The following PCLO variants were observed in gnomAD, a reference collection of about 807,000 sequenced individuals.
The protein encoded by PCLO is protein piccolo.
Under a neutral mutation model 427.5 loss-of-function variants are expected in PCLO, and 82 were observed. That is an observed-to-expected ratio of 0.19 (90% CI 0.16 to 0.23). The LOEUF (loss-of-function observed/expected upper bound fraction) is 0.23. Among genes scored for constraint, PCLO ranks in the 10% least tolerant of loss-of-function variants. PCLO has a pLI of 1.00. For synonymous variants in PCLO, 2,357 were observed against 2,155.4 expected, an observed-to-expected ratio of 1.09 and a Z score of -2.59; for missense variants, 6,239 against 6,115.9, an observed-to-expected ratio of 1.02 and a Z score of -0.67.
At chr7:83,049,041 T>C (rs2116250793) in intron 3 of PCLO, among the ~76,000 whole-genome samples, 1 of 152,254 alleles carries the variant, frequency 6.6e-6, no homozygotes, top group Non-Finnish European at 1.5e-5. Flanking sequence ...AATGTACTCT[T>C]TTGTATTTTG....
At chr7:83,006,389 A>G (rs957733879) in intron 3 of PCLO, among the ~76,000 whole-genome samples, 1 of 151,594 alleles carries the variant, frequency 6.6e-6, no homozygotes, top group Admixed American at 6.6e-5. Context: ...TTTATGGTTT[A>G]TTTACAAATA....
At chr7:82,765,215 A>C (rs566513852) in intron 22 of PCLO, among the ~76,000 whole-genome samples, 2 of 151,920 alleles carry the variant, frequency 1.3e-5, no homozygotes, top group Admixed American at 6.6e-5. Context: ...AAATGATCAC[A>C]TGAAAATAAA....
Position 82,954,813 on chromosome 7 carries a change from G to A in PCLO, c.6140C>T (p.Thr2047Ile). 6.2e-7 allele frequency: 1 copy of A among 1,613,790 alleles called. No homozygotes were observed. The highest frequency in any genetic ancestry group is 8.5e-7 in the Non-Finnish European group (1 of 1,179,812). The change falls in exon 5 of 25, where the codon ACT becomes ATT. Residue 2047 changes from threonine (T) to isoleucine (I), a missense_variant. Thr to Ile is a moderately conservative substitution (Grantham distance 89). Coordinates refer to ENST00000333891, the MANE Select transcript of PCLO (RefSeq NM_033026.6). ...TTCTTCTTCTGTAGAAGTTACCATA[G>A]TACCCAGGTCCACTATCTCATGGCT... ...PESHEIVDLG[T>I]MVTSTEEERK...
intron 3 of PCLO, among the ~76,000 whole-genome samples, chr7:83,008,369 T>C (rs1787998620): frequency 6.6e-6 from 1 of 151,794 alleles, no homozygotes; most frequent in African/African-American, 2.4e-5. Context: ...TAATAAGCTA[T>C]AACTTGTGGG....
In PCLO at chr7:82,838,349, G is replaced by A; in HGVS notation, c.14098-7C>T. 7.0e-7 allele frequency: 1 copy of A among 1,430,332 alleles called. No homozygotes were observed. The highest frequency in any genetic ancestry group is 9.6e-7 in the Non-Finnish European group (1 of 1,044,500). The allele number at this position is 1,430,332 out of a possible 1,614,324, so 88.6% of individuals were successfully genotyped here. ...GATCATAGTTAATTTGAAGCTTTAG[G>A]AGAGAGAAAAATATTCCATAAGTTT... On this transcript the variant is annotated splice_region_variant and splice_polypyrimidine_tract_variant and intron_variant, in intron 14 of 24. Coordinates refer to ENST00000333891, the MANE Select transcript of PCLO (RefSeq NM_033026.6).
intron 4 of PCLO, among the ~76,000 whole-genome samples, chr7:82,963,289 T>C (rs1795693225): frequency 6.6e-6 from 1 of 152,080 alleles, no homozygotes; most frequent in Non-Finnish European, 1.5e-5. Context: ...AAAAACCTTC[T>C]AGACAAAGAA....
intron 6 of PCLO, among the ~76,000 whole-genome samples, chr7:82,949,232 T>C (rs983003892): frequency 6.6e-6 from 1 of 151,988 alleles, no homozygotes; most frequent in East Asian, 1.9e-4. Context: ...TTCTTTGGTA[T>C]TTTTAAGTGA....
intron 3 of PCLO, among the ~76,000 whole-genome samples, chr7:83,038,073 TTA>T (rs768540680): frequency 0.18 from 8,399 of 46,088 alleles, 1,500 homozygotes; most frequent in South Asian, 0.26. Flanking sequence ...ATTTATATAT[TTA>T]TATATATATC....
intron 3 of PCLO, among the ~76,000 whole-genome samples, chr7:83,109,803 T>C (rs1790956912): frequency 6.6e-6 from 1 of 152,060 alleles, no homozygotes; most frequent in Non-Finnish European, 1.5e-5. Context: ...GTACACTTAA[T>C]AGCAAAAACA....
At chr7:82,875,251 A>G (rs1446750706) in intron 10 of PCLO, among the ~76,000 whole-genome samples, 1 of 152,102 alleles carries the variant, frequency 6.6e-6, no homozygotes, top group African/African-American at 2.4e-5. Flanking sequence ...CATTTTTAAT[A>G]GTAAAGTTCT....
intron 10 of PCLO, among the ~76,000 whole-genome samples, chr7:82,874,983 T>G (rs892683873): frequency 6.6e-6 from 1 of 152,180 alleles, no homozygotes; most frequent in Non-Finnish European, 1.5e-5. Context: ...CTTCAGAAAC[T>G]TAGATTTGTA....
chr7:82,922,114 A>G (rs1794609358), intron 6 of PCLO, among the ~76,000 whole-genome samples: 1 of 151,970 alleles, frequency 6.6e-6, no homozygotes, highest in Non-Finnish European at 1.5e-5. Context: ...GTGGAGTAAA[A>G]GGAATGCTTA....
intron 18 of PCLO, 29 bp from the exon 19 acceptor site, chr7:82,824,445 A>C (rs777909804): frequency 5.7e-6 from 8 of 1,407,566 alleles, no homozygotes; most frequent in Non-Finnish European, 7.9e-6. Context: ...AATAAATGAA[A>C]TTTAGGGACT....
At chr7:83,143,655 A>G (rs1319465001) in intron 2 of PCLO, among the ~76,000 whole-genome samples, 1 of 152,042 alleles carries the variant, frequency 6.6e-6, no homozygotes, top group Admixed American at 6.5e-5. Flanking sequence ...AAAAAAAAAA[A>G]AAAAAACCTG....
At chr7:83,093,469 T>TGG (rs1790433865) in intron 3 of PCLO, among the ~76,000 whole-genome samples, 1 of 103,392 alleles carries the variant, frequency 9.7e-6, no homozygotes. Context: ...TATATGTGTG[T>TGG]GTGTATAGAT....
At chr7:82,978,513 A>G (rs1356639701) in intron 3 of PCLO, among the ~76,000 whole-genome samples, 1 of 152,024 alleles carries the variant, frequency 6.6e-6, no homozygotes, top group African/African-American at 2.4e-5. Context: ...TGATATTCCT[A>G]TTGTTCTAAG....
chr7:83,021,088 C>T (rs577759316), intron 3 of PCLO, among the ~76,000 whole-genome samples: 6 of 152,274 alleles, frequency 3.9e-5, no homozygotes, highest in African/African-American at 1.4e-4. Flanking sequence ...CCAAAGAGTG[C>T]AGTTTCCACA....
At chr7:83,148,077 T>C (rs555888835) in intron 2 of PCLO, among the ~76,000 whole-genome samples, 1 of 152,172 alleles carries the variant, frequency 6.6e-6, no homozygotes, top group Non-Finnish European at 1.5e-5. Flanking sequence ...TACATCCACA[T>C]TACAACAGGC....
At chr7:82,972,625 C>T (rs1263592339) in intron 3 of PCLO, among the ~76,000 whole-genome samples, 3 of 151,976 alleles carry the variant, frequency 2.0e-5, no homozygotes, top group Admixed American at 1.3e-4. Context: ...GATTAGGAAG[C>T]TTGTATCATT....
Sources: gnomAD v4.1 joint callset for allele counts (sites outside exome capture counted in the v4.1 genomes callset) on GRCh38, gnomAD v4.1.1 for gene constraint, MANE v1.5 for transcripts, NCBI Gene and HGNC (gene_info 2026-07-23, HGNC 2026-07-21) for gene names.